CACNA1C: variants seen among roughly 807,000 people sequenced by gnomAD.
CACNA1C encodes the protein voltage-dependent L-type calcium channel subunit alpha-1C.
Under a neutral mutation model 229.0 loss-of-function variants are expected in CACNA1C, and 30 were observed. The observed-to-expected ratio is 0.13, with a 90% CI of 0.10 to 0.18. The LOEUF (loss-of-function observed/expected upper bound fraction) is 0.18. CACNA1C is among the 10% of genes least tolerant of loss of function. CACNA1C has a pLI of 1.00. For missense variants in CACNA1C, 1,658 were observed against 2,845.0 expected, an observed-to-expected ratio of 0.58 and a Z score of 9.49; for synonymous variants, 1,114 against 1,132.5, an observed-to-expected ratio of 0.98 and a Z score of 0.33.
intron 30 of CACNA1C, among the ~76,000 whole-genome samples, chr12:2,636,327 TCA>T (rs1227111407): frequency 2.0e-5 from 3 of 152,146 alleles, no homozygotes; most frequent in African/African-American, 7.2e-5. Context: ...GCCCCATCGC[TCA>T]GTCTGCAATT....
At chr12:2,244,966 A>G (rs2072407398) in intron 3 of CACNA1C, among the ~76,000 whole-genome samples, 2 of 152,186 alleles carry the variant, frequency 1.3e-5, no homozygotes, top group South Asian at 4.1e-4. Context: ...TCACCCTGAC[A>G]TTCCCACAGG....
chr12:2,655,068 G>T, intron 33 of CACNA1C, 79 bp from the exon 34 acceptor site: 1 of 857,770 alleles, frequency 1.2e-6, no homozygotes, highest in Non-Finnish European at 2.0e-6. Flanking sequence ...GACCCCTGAA[G>T]AGACCATTGA....
intron 3 of CACNA1C, among the ~76,000 whole-genome samples, chr12:2,224,928 T>A (rs2062533498): frequency 1.3e-5 from 2 of 152,202 alleles, no homozygotes; most frequent in Admixed American, 1.3e-4. Flanking sequence ...TCTAGCACAA[T>A]TTATAAAGTG....
chr12:2,224,456 T>C lies in CACNA1C; in HGVS notation c.477+104026T>C, dbSNP rs149639696. On this transcript the variant is annotated intron_variant, in intron 3 of 46. Transcript: ENST00000399655. ...GATTTAAGGTCATGAATGCATGACC[T>C]TCCCAGACTCCCTTGTACATGAGCT... Among the ~76,000 whole-genome samples, 686 of 152,318 alleles carry C rather than the reference T, an allele frequency of 4.5e-3. 6 individuals are homozygous for C. Among genetic ancestry groups the C allele is most frequent in the African/African-American group, 0.014 (600 of 41,568 alleles).
chr12:2,670,902 TA>T (rs552962979), intron 38 of CACNA1C, among the ~76,000 whole-genome samples: 3,196 of 132,930 alleles, frequency 0.024, 38 homozygotes, highest in African/African-American at 0.047. Context: ...GCTACTAAAT[TA>T]AAAAAAAAAA....
rs946467536 is a variant in CACNA1C at position 2,488,964 on chromosome 12, A to G, written c.916+2702A>G. 6.6e-6 allele frequency among the ~76,000 whole-genome samples: 1 copy of G among 152,238 alleles called. No homozygotes were observed. The highest frequency in any genetic ancestry group is 1.9e-4 in the East Asian group (1 of 5,198). On this transcript the variant is annotated intron_variant, in intron 6 of 46. Coordinates refer to ENST00000399655, the MANE Select transcript of CACNA1C (RefSeq NM_000719.7). This position sits in a 1 kb window ranked among gnomAD's most constrained non-coding sequence, Gnocchi z 4.0. ...ACCCACAGAGTGGGCAGTGCAGACA[A>G]GGAGGGAAAATACGCGAGAACCCAG...
At chr12:2,261,242 AC>A (rs1216810385) in intron 3 of CACNA1C, among the ~76,000 whole-genome samples, 9 of 152,204 alleles carry the variant, frequency 5.9e-5, no homozygotes, top group Admixed American at 3.3e-4. Flanking sequence ...AAAAAAAAAA[AC>A]AAAAACAAAA....
intron 3 of CACNA1C, among the ~76,000 whole-genome samples, chr12:2,364,647 A>G (rs73607711): frequency 0.013 from 1,965 of 152,336 alleles, 46 homozygotes; most frequent in African/African-American, 0.042. Context: ...GCTCTCAAGA[A>G]GTGGGAGCAG....
intron 3 of CACNA1C, among the ~76,000 whole-genome samples, chr12:2,307,642 C>A (rs7966811): frequency 0.043 from 6,563 of 152,300 alleles, 174 homozygotes; most frequent in Middle Eastern, 0.065. Context: ...AAAGTTGCTT[C>A]ATCTTTTGAG....
intron 19 of CACNA1C, 78 bp downstream of exon 19, chr12:2,593,423 C>T: frequency 6.7e-7 from 1 of 1,489,186 alleles, no homozygotes. Context: ...TTTACCTGAA[C>T]CTCTGGATGG....
chr12:2,507,440 C>T (rs567763605), intron 8 of CACNA1C, among the ~76,000 whole-genome samples: 4 of 152,180 alleles, frequency 2.6e-5, no homozygotes, highest in African/African-American at 7.2e-5. Context: ...TCAGAGGCAA[C>T]GGTTTCCAGT....
intron 42 of CACNA1C, chr12:2,682,096 T>G: frequency 1.7e-6 from 2 of 1,165,902 alleles, no homozygotes; most frequent in Non-Finnish European, 2.6e-6. Context: ...GGTGCCAGTG[T>G]CAGAATCAAG....
intron 1 of CACNA1C, among the ~76,000 whole-genome samples, chr12:2,062,478 A>G (rs142120534): frequency 6.6e-6 from 1 of 152,308 alleles, no homozygotes; most frequent in African/African-American, 2.4e-5. Context: ...GAACAGTAGA[A>G]AGAGAAACCC....
At chr12:2,324,725 T>A (rs1412071809) in intron 3 of CACNA1C, among the ~76,000 whole-genome samples, 6 of 151,976 alleles carry the variant, frequency 3.9e-5, no homozygotes, top group Non-Finnish European at 5.9e-5. Flanking sequence ...CAGGCCTCCA[T>A]CAATCACTTC....
chr12:2,352,360 A>T (rs1593747407), intron 3 of CACNA1C, among the ~76,000 whole-genome samples: 3 of 152,212 alleles, frequency 2.0e-5, no homozygotes, highest in South Asian at 4.1e-4. Context: ...TTAAATTCTT[A>T]TGCTAAAAAA....
rs908033482 is a variant in CACNA1C at position 2,602,447 on chromosome 12, CGTGTGTGGAT to C, written c.2960+493_2960+502del. ...TGTAAGTGTGGGGTGTATGTGTGCACGTGTGTGGATGTGTGGGGTGTGTGTATATGTGGAT... is the reference window on the plus strand; with the variant it reads ...TGTAAGTGTGGGGTGTATGTGTGCACGTGTGGGGTGTGTGTATATGTGGAT... On this transcript the variant is annotated intron_variant, in intron 22 of 46. Coordinates refer to ENST00000399655, the MANE Select transcript of CACNA1C (RefSeq NM_000719.7). This position sits in a 1 kb window ranked among gnomAD's most constrained non-coding sequence, Gnocchi z 4.4. Among the ~76,000 whole-genome samples, 7 of 151,498 alleles carry C rather than the reference CGTGTGTGGAT, an allele frequency of 4.6e-5. No individual in the cohort carries two copies. The highest frequency in any genetic ancestry group is 1.0e-4 in the Non-Finnish European group (7 of 67,864).
rs995665295 is a variant in CACNA1C at position 2,689,049 on chromosome 12, C to G, written c.6117+270C>G. 6.6e-6 allele frequency among the ~76,000 whole-genome samples: 1 copy of G among 152,176 alleles called. No individual in the cohort carries two copies. The highest frequency in any genetic ancestry group is 2.4e-5 in the African/African-American group (1 of 41,440). The stretch of plus-strand genomic sequence containing the variant: ...TATCCCTTATACTGCAGCTGCTCGA[C>G]ATGCAAATGTGAGCCTGGCTGCCTT... On this transcript the variant is annotated intron_variant, in intron 46 of 46. Transcript: ENST00000399655. The surrounding 1 kb of genome is among the most constrained non-coding windows in gnomAD (Gnocchi z 4.2).
chr12:2,055,833 C>G (rs2154509113), intron 1 of CACNA1C, among the ~76,000 whole-genome samples: 1 of 152,322 alleles, frequency 6.6e-6, no homozygotes, highest in Admixed American at 6.5e-5. Context: ...TCTCCATCTT[C>G]TCTTCTTTAG....
intron 5 of CACNA1C, among the ~76,000 whole-genome samples, chr12:2,485,552 T>C (rs949932140): frequency 4.6e-5 from 7 of 152,216 alleles, no homozygotes; most frequent in African/African-American, 1.7e-4. Context: ...TTAGAGTTTC[T>C]TTTCTTGTGG....
Sources: gnomAD v4.1 joint callset for allele counts (sites outside exome capture counted in the v4.1 genomes callset) on GRCh38, gnomAD v4.1.1 for gene constraint, Gnocchi (gnomAD v3.1) non-coding constraint, MANE v1.5 for transcripts, NCBI Gene and HGNC (gene_info 2026-07-23, HGNC 2026-07-21) for gene names.